The following USP2 variants were observed in gnomAD, a reference collection of about 807,000 sequenced individuals.
USP2 encodes the protein ubiquitin specific peptidase 2, also known as ubiquitin carboxyl-terminal hydrolase 2.
In USP2, 33 loss-of-function variants were observed where a neutral mutation model predicts 72.0. The ratio of observed to expected loss-of-function variants is 0.46; its 90% confidence interval spans 0.35 to 0.61. The LOEUF (loss-of-function observed/expected upper bound fraction) is 0.61, where lower values mean the gene tolerates loss of function less well. Ranked by LOEUF, USP2 falls within the 20% of genes least tolerant of loss-of-function variation. The pLI, the probability that USP2 is intolerant of heterozygous loss-of-function variation, is 0.01. For synonymous variants in USP2, 296 were observed against 312.5 expected, an observed-to-expected ratio of 0.95 and a Z score of 0.56; for missense variants, 691 against 797.8, an observed-to-expected ratio of 0.87 and a Z score of 1.61.
rs1950657347 is a variant in USP2 at position 119,356,680 on chromosome 11, C to T, written c.*155G>A. ...AAAGCCCGGCTCCTTGCTCCAGACC[C>T]TGATCAGGCTGCATCCACTCCTGCT... On this transcript the variant is annotated 3_prime_UTR_variant, in exon 13 of 13. Transcript: ENST00000260187. The T allele has an allele frequency of 2.7e-6, 2 of 748,338 alleles. No individual in the cohort carries two copies. The highest frequency in any genetic ancestry group is 4.2e-6 in the Non-Finnish European group (2 of 470,866). The allele number at this position is 748,338 out of a possible 1,614,324, so 46.4% of individuals were successfully genotyped here.
intron 2 of USP2, among the ~76,000 whole-genome samples, chr11:119,367,215 C>T (rs1950866045): frequency 6.6e-6 from 1 of 152,202 alleles, no homozygotes; most frequent in African/African-American, 2.4e-5. Flanking sequence ...GAGCTGGGCT[C>T]ATTCCTGCAT....
Position 119,372,800 on chromosome 11 carries a change from G to A in USP2, c.681C>T (p.Thr227=). 6.2e-7 allele frequency: 1 copy of A among 1,604,210 alleles called. No homozygotes were observed. Among genetic ancestry groups the A allele is most frequent in the African/African-American group, 1.3e-5 (1 of 74,890 alleles). The change falls in exon 2 of 13, where the codon ACC becomes ACT. Residue 227 remains threonine (T), a synonymous_variant. Coordinates refer to ENST00000260187, the MANE Select transcript of USP2 (RefSeq NM_004205.5). ...GCGTGTAGCGGCCAATGGGTCGGTA[G>A]GTTGGGCTGATGATTTCAGGGACTC... ...PSRVPEIISP[T]YRPIGRYTLW...
At chr11:119,376,218 C>T (rs959516072) in intron 1 of USP2, 13 of 985,536 alleles carry the variant, frequency 1.3e-5, no homozygotes, top group Non-Finnish European at 6.0e-6. Context: ...TGCCCCTTGG[C>T]ATTACCTGCA....
At chr11:119,360,518 G>A (rs1011075132) in intron 2 of USP2, 1 of 474,656 alleles carries the variant, frequency 2.1e-6, no homozygotes, top group Non-Finnish European at 4.0e-6. Flanking sequence ...CCACCTCGTG[G>A]GTTCAAGCGA....
chr11:119,376,380 C>T, intron 1 of USP2: 1 of 985,648 alleles, frequency 1.0e-6, no homozygotes. Context: ...ACTGAATGGC[C>T]CTTTCATGGG....
rs550575715 is a variant in USP2, at chr11:119,368,794, CA to C, written c.774+3912del. Among the ~76,000 whole-genome samples, 11 of 152,138 alleles carry C rather than the reference CA, an allele frequency of 7.2e-5. 1 individual carries two copies. Among genetic ancestry groups the C allele is most frequent in the Admixed American group, 4.6e-4 (7 of 15,292 alleles). ...GACTGTGCTCTGGAGGGCCCTGGGC[CA>C]ACCCCTGGATCTTCTTGGGGAGAGG... is the stretch of plus-strand genomic sequence containing the variant. On this transcript the variant is annotated intron_variant, in intron 2 of 12. Transcript: ENST00000260187.
chr11:119,364,299 C>T, intron 2 of USP2: 1 of 596,806 alleles, frequency 1.7e-6, no homozygotes, highest in Non-Finnish European at 2.1e-6. Flanking sequence ...CTACCCCGCC[C>T]CCGGCGCCGG....
At chr11:119,374,284 C>T (rs1442836760) in intron 1 of USP2, among the ~76,000 whole-genome samples, 1 of 152,186 alleles carries the variant, frequency 6.6e-6, no homozygotes, top group Non-Finnish European at 1.5e-5. Flanking sequence ...ACACAGGCTT[C>T]CTCTACAAAC....
rs544785816 is a variant in USP2, at chr11:119,356,399, C to A, written c.*436G>T. 188 of 163,802 alleles carry A rather than the reference C, an allele frequency of 1.1e-3. No individual in the cohort carries two copies. Among genetic ancestry groups the A allele is most frequent in the African/African-American group, 4.2e-3 (174 of 41,806 alleles). The allele number at this position is 163,802 out of a possible 1,614,324, so 10.1% of individuals were successfully genotyped here. ...CATGGCTCTGGACCGGCGAGCCGTG[C>A]GGGTGGAGATGGGCGCCGGCTCCTC... is the stretch of plus-strand genomic sequence containing the variant. On this transcript the variant is annotated 3_prime_UTR_variant, in exon 13 of 13. Transcript: ENST00000260187.
At chr11:119,375,008 C>T (rs943710336) in intron 1 of USP2, among the ~76,000 whole-genome samples, 7 of 152,218 alleles carry the variant, frequency 4.6e-5, no homozygotes, top group East Asian at 1.9e-4. Context: ...CCAGCTACTG[C>T]GAGGCAGCAT....
Position 119,357,547 on chromosome 11 carries a change from G to C in USP2, c.1545C>G (p.Leu515=). The C allele has an allele frequency of 6.2e-7, 1 of 1,614,192 alleles. No individual in the cohort carries two copies. Among genetic ancestry groups the C allele is most frequent in the South Asian group, 1.1e-5 (1 of 91,084 alleles). ...FSESRIRTSK[L]TTFVNFPLRD... Reference sequence around the variant, plus strand: ...TTAGGGGGAAGTTCACAAATGTTGTGAGCTTGCTGGTTCGGATCCTGGATT... The same window carrying C: ...TTAGGGGGAAGTTCACAAATGTTGTCAGCTTGCTGGTTCGGATCCTGGATT... The change falls in exon 11 of 13, where the codon CTC becomes CTG. Residue 515 remains leucine, a synonymous_variant. Coordinates refer to ENST00000260187, the MANE Select transcript of USP2 (RefSeq NM_004205.5).
At chr11:119,374,459 C>T (rs1202124320) in intron 1 of USP2, among the ~76,000 whole-genome samples, 2 of 152,192 alleles carry the variant, frequency 1.3e-5, no homozygotes, top group Non-Finnish European at 2.9e-5. Flanking sequence ...GCTTTGAGAG[C>T]CCCAGAGGAT....
intron 1 of USP2, 25 bp from the exon 2 acceptor site, chr11:119,373,546 C>T: frequency 1.3e-6 from 2 of 1,489,810 alleles, no homozygotes; most frequent in South Asian, 1.4e-5. Flanking sequence ...GTGTAGTTGT[C>T]AGAGGGCCCT....
chr11:119,369,115 CTT>C (rs948638519), intron 2 of USP2, among the ~76,000 whole-genome samples: 1 of 152,146 alleles, frequency 6.6e-6, no homozygotes, highest in Non-Finnish European at 1.5e-5. Context: ...TTAGTGAACA[CTT>C]TTTTTCCACC....
chr11:119,379,917 C>CTTTT (rs397816714), intron 1 of USP2, among the ~76,000 whole-genome samples: 1,835 of 116,438 alleles, frequency 0.016, 87 homozygotes, highest in African/African-American at 0.024. Context: ...GTTCCTTTCT[C>CTTTT]TTTTTTTTTT....
intron 3 of USP2, 29 bp downstream of exon 3, chr11:119,360,155 G>T: frequency 6.2e-7 from 1 of 1,611,416 alleles, no homozygotes; most frequent in Non-Finnish European, 8.5e-7. Flanking sequence ...GGGTGGGCCT[G>T]GGGAAGAAGC....
chr11:119,363,716 G>T, intron 2 of USP2: 1 of 619,854 alleles, frequency 1.6e-6, no homozygotes, highest in Non-Finnish European at 2.4e-6. Context: ...CTTGCCAGGA[G>T]ACCCTGGGAA....
intron 1 of USP2, among the ~76,000 whole-genome samples, chr11:119,376,820 T>G (rs1229180980): frequency 1.3e-5 from 2 of 152,276 alleles, no homozygotes; most frequent in Non-Finnish European, 2.9e-5. Flanking sequence ...CCATCTTCTC[T>G]GCAGTCTCAC....
chr11:119,357,870 G>T (rs1307250248), intron 9 of USP2, 35 bp from the exon 10 acceptor site: 2 of 1,613,840 alleles, frequency 1.2e-6, no homozygotes, highest in South Asian at 2.2e-5. Context: ...AACTTGTGGG[G>T]AAGTCAGTGG....
Sources: allele counts gnomAD v4.1 joint callset (sites outside exome capture counted in the v4.1 genomes callset), GRCh38; gene constraint gnomAD v4.1.1; transcripts MANE v1.5; gene names NCBI Gene and HGNC (gene_info 2026-07-23, HGNC 2026-07-21).